Variants in RANBP17 observed in about 807,000 individuals in gnomAD.
The protein encoded by RANBP17 is RAN binding protein 17, also known as ran-binding protein 17.
A neutral mutation model predicts 141.2 loss-of-function variants in RANBP17; 158 were observed. The observed-to-expected ratio is 1.12, with a 90% confidence interval of 0.98 to 1.28. RANBP17 has a LOEUF of 1.28. Ranked by LOEUF, RANBP17 falls within the 50% of genes most tolerant of loss-of-function variation. The pLI is 0.00. For missense variants in RANBP17, 1,438 were observed against 1,290.7 expected (o/e 1.11, Z -1.75); for synonymous variants, 430 against 450.0 (o/e 0.96, Z 0.56).
intron 14 of RANBP17, among the ~76,000 whole-genome samples, chr5:170,995,709 C>T (rs1778773527): frequency 2.0e-5 from 3 of 152,082 alleles, no homozygotes; most frequent in Admixed American, 6.6e-5. Flanking sequence ...TCTTTCTAGG[C>T]ATAACCACTG....
chr5:171,184,822 G>A (rs577229812), intron 18 of RANBP17, among the ~76,000 whole-genome samples: 5 of 152,262 alleles, frequency 3.3e-5, no homozygotes, highest in Admixed American at 6.5e-5. Flanking sequence ...AGTCTATTAA[G>A]TGTGTAATGT....
At chr5:171,281,882 G>A (rs1484536413) in intron 25 of RANBP17, among the ~76,000 whole-genome samples, 3 of 152,266 alleles carry the variant, frequency 2.0e-5, no homozygotes, top group East Asian at 1.9e-4. Flanking sequence ...GAAGTTCCAC[G>A]CTAGGCCATT....
At chr5:171,275,232 A>G (rs1357949488) in intron 25 of RANBP17, among the ~76,000 whole-genome samples, 1 of 152,228 alleles carries the variant, frequency 6.6e-6, no homozygotes, top group Non-Finnish European at 1.5e-5. Flanking sequence ...TTGATGGTTT[A>G]ATATCATATA....
intron 24 of RANBP17, among the ~76,000 whole-genome samples, chr5:171,255,598 TTTC>T (rs1765830802): frequency 1.3e-5 from 2 of 152,218 alleles, no homozygotes; most frequent in South Asian, 2.1e-4. Flanking sequence ...ACATTTACTT[TTTC>T]TTCTTAATGC....
At chr5:170,954,909 T>C (rs541175473) in intron 13 of RANBP17, among the ~76,000 whole-genome samples, 24 of 152,172 alleles carry the variant, frequency 1.6e-4, no homozygotes, top group African/African-American at 4.1e-4. Context: ...TGTTAGGAAC[T>C]GGGCTGCATA....
At chr5:171,044,013 G>A (rs1373350196) in intron 14 of RANBP17, among the ~76,000 whole-genome samples, 1 of 152,198 alleles carries the variant, frequency 6.6e-6, no homozygotes, top group East Asian at 1.9e-4. Context: ...TAAAATAAAA[G>A]TGCCTGTTTG....
chr5:171,207,543 T>G (rs1762649454), intron 20 of RANBP17: 1 of 152,180 alleles, frequency 6.6e-6, no homozygotes, highest in Non-Finnish European at 1.5e-5. Context: ...CTAGAAACCT[T>G]TGTCTCCTCC....
chr5:171,280,847 A>G (rs1286792280), intron 25 of RANBP17, among the ~76,000 whole-genome samples: 5 of 152,166 alleles, frequency 3.3e-5, no homozygotes, highest in African/African-American at 1.2e-4. Context: ...CCTCCTTTCT[A>G]AGTTTTTAAA....
intron 12 of RANBP17, among the ~76,000 whole-genome samples, chr5:170,951,279 A>G (rs961485657): frequency 3.3e-5 from 5 of 152,178 alleles, no homozygotes; most frequent in Admixed American, 3.3e-4. Flanking sequence ...GATATGCCAA[A>G]TACCCTGACA....
intron 14 of RANBP17, among the ~76,000 whole-genome samples, chr5:171,000,410 G>A (rs1466729578): frequency 6.6e-6 from 1 of 152,048 alleles, no homozygotes; most frequent in Non-Finnish European, 1.5e-5. Context: ...TTGTTTTACT[G>A]AAGTCTTTTA....
intron 14 of RANBP17, among the ~76,000 whole-genome samples, chr5:171,112,109 TG>T (rs1455028986): frequency 6.6e-6 from 1 of 152,188 alleles, no homozygotes; most frequent in Non-Finnish European, 1.5e-5. Context: ...CCTAATAACT[TG>T]TTTTTTTATT....
chr5:171,251,097 A>G (rs1554123750), intron 24 of RANBP17, among the ~76,000 whole-genome samples: 1 of 151,976 alleles, frequency 6.6e-6, no homozygotes. Context: ...CTCAACAAAA[A>G]TTTTTTTTAG....
At chr5:170,886,651 C>CTTTTTTTT (rs3080616) in intron 3 of RANBP17, among the ~76,000 whole-genome samples, 4 of 87,860 alleles carry the variant, frequency 4.6e-5, no homozygotes, top group African/African-American at 8.9e-5. Flanking sequence ...TTTGAGGTGC[C>CTTTTTTTT]TTTTTTTTTT....
In RANBP17 at chr5:170,919,464, T is replaced by A. The variant is rs1485111536; in HGVS notation, c.1125T>A (p.Ser375Arg). 6.2e-7 allele frequency: 1 copy of A among 1,600,630 alleles called. No individual in the cohort carries two copies. Among genetic ancestry groups the A allele is most frequent in the African/African-American group, 1.3e-5 (1 of 74,290 alleles). ...SLQHWEFAPNSVHYLLTLWQR... is the reference protein window; with the variant it reads ...SLQHWEFAPNRVHYLLTLWQR... ...AGCACTGGGAATTTGCTCCTAACAG[T>A]GTTCATTATTTATTAACTCTGTGGC... The change falls in exon 11 of 28, where the codon AGT becomes AGA. Residue 375 changes from serine (S) to arginine (R), a missense_variant. Physicochemically the swap from Ser to Arg is moderately radical, Grantham distance 110 (BLOSUM62 -1). Coordinates refer to ENST00000523189, the MANE Select transcript of RANBP17 (RefSeq NM_022897.5).
chr5:171,060,533 A>T (rs553016059), intron 14 of RANBP17, among the ~76,000 whole-genome samples: 1 of 152,122 alleles, frequency 6.6e-6, no homozygotes, highest in Non-Finnish European at 1.5e-5. Flanking sequence ...ATGGTGGATA[A>T]GCTTTTTGAT....
intron 19 of RANBP17, 81 bp from the exon 20 acceptor site, chr5:171,205,443 T>C: frequency 9.1e-7 from 1 of 1,093,504 alleles, no homozygotes; most frequent in East Asian, 2.4e-5. Flanking sequence ...ATCAGATATG[T>C]GGTCATTATT....
intron 14 of RANBP17, among the ~76,000 whole-genome samples, chr5:171,005,426 C>G (rs1386028722): frequency 2.0e-5 from 3 of 152,140 alleles, no homozygotes; most frequent in Non-Finnish European, 2.9e-5. Context: ...ACAGAGCCCT[C>G]AGAAATAATG....
At chr5:171,073,897 C>T (rs1183047572) in intron 14 of RANBP17, among the ~76,000 whole-genome samples, 2 of 150,452 alleles carry the variant, frequency 1.3e-5, no homozygotes, top group Non-Finnish European at 3.0e-5. Flanking sequence ...TTATATTTTA[C>T]TCAGAAAACA....
intron 14 of RANBP17, among the ~76,000 whole-genome samples, chr5:171,021,618 T>G (rs1378235621): frequency 6.6e-6 from 1 of 152,248 alleles, no homozygotes; most frequent in Non-Finnish European, 1.5e-5. Context: ...TTCAGCTCCA[T>G]CAGGTCATTT....
Sources: allele counts gnomAD v4.1 joint callset (sites outside exome capture counted in the v4.1 genomes callset), GRCh38; gene constraint gnomAD v4.1.1; transcripts MANE v1.5; gene names NCBI Gene and HGNC (gene_info 2026-07-23, HGNC 2026-07-21).